Variants in MACROD2 observed in about 807,000 individuals in gnomAD.
MACROD2 encodes mono-ADP ribosylhydrolase 2.
MACROD2 carries 36 observed loss-of-function variants against 70.4 expected under a neutral mutation model. The ratio of observed to expected loss-of-function variants is 0.51; its 90% confidence interval spans 0.39 to 0.68. The LOEUF is 0.68. MACROD2 is among the 30% of genes least tolerant of loss of function. The probability of loss-of-function intolerance (pLI) is 0.00; values close to 1 mark genes in which losing one functional copy is unlikely to be tolerated. For synonymous variants in MACROD2, 172 were observed against 178.8 expected, an observed-to-expected ratio of 0.96 and a Z score of 0.30; for missense variants, 496 against 538.4, an observed-to-expected ratio of 0.92 and a Z score of 0.78.
intron 3 of MACROD2, among the ~76,000 whole-genome samples, chr20:14,339,221 A>G (rs1178963450): frequency 5.9e-5 from 9 of 152,124 alleles, no homozygotes; most frequent in African/African-American, 2.4e-5. Flanking sequence ...TATTGACCCT[A>G]TTGTTCTATG....
At chr20:14,868,807 C>T (rs1050479177) in intron 5 of MACROD2, among the ~76,000 whole-genome samples, 7 of 152,100 alleles carry the variant, frequency 4.6e-5, no homozygotes, top group Middle Eastern at 3.4e-3. Context: ...ATTGGTATGT[C>T]GAAAGTGGGT....
intron 2 of MACROD2, among the ~76,000 whole-genome samples, chr20:14,078,476 G>A (rs977200389): frequency 2.6e-5 from 4 of 151,726 alleles, no homozygotes; most frequent in Non-Finnish European, 4.4e-5. Flanking sequence ...GCGCGATCTC[G>A]GCTCACTGCA....
At chr20:15,825,120 A>G (rs1477881073) in intron 8 of MACROD2, among the ~76,000 whole-genome samples, 2 of 152,206 alleles carry the variant, frequency 1.3e-5, no homozygotes, top group Non-Finnish European at 2.9e-5. Flanking sequence ...AAACATAAGA[A>G]TAATGGTTTT....
intron 8 of MACROD2, among the ~76,000 whole-genome samples, chr20:15,585,237 G>A (rs34510048): frequency 0.23 from 33,598 of 147,780 alleles, 4,323 homozygotes; most frequent in Non-Finnish European, 0.29. Context: ...TCGCTCTGTC[G>A]CCCAGGCTGG....
intron 3 of MACROD2, among the ~76,000 whole-genome samples, chr20:14,147,826 T>C (rs2054961453): frequency 6.6e-6 from 1 of 152,166 alleles, no homozygotes. Flanking sequence ...GTATTTCTTT[T>C]TATTAAACCT....
chr20:14,799,280 T>G (rs1465411175), intron 5 of MACROD2, among the ~76,000 whole-genome samples: 1 of 152,096 alleles, frequency 6.6e-6, no homozygotes, highest in African/African-American at 2.4e-5. Context: ...CCCTTACTTA[T>G]TAACATTTTA....
chr20:15,302,539 A>C (rs2077657306), intron 6 of MACROD2, among the ~76,000 whole-genome samples: 2 of 152,094 alleles, frequency 1.3e-5, no homozygotes, highest in South Asian at 4.1e-4. Flanking sequence ...AATATTATGG[A>C]TGTATCACAA....
intron 15 of MACROD2, among the ~76,000 whole-genome samples, chr20:16,003,707 G>A (rs1434818586): frequency 6.6e-6 from 1 of 152,142 alleles, no homozygotes; most frequent in Admixed American, 6.5e-5. Flanking sequence ...GTCTCACTCT[G>A]TCGCCCAGGC....
At chr20:14,818,993 G>C (rs1280615064) in intron 5 of MACROD2, among the ~76,000 whole-genome samples, 1 of 151,736 alleles carries the variant, frequency 6.6e-6, no homozygotes, top group Non-Finnish European at 1.5e-5. Context: ...GGCTGGGCAT[G>C]GTGGCTCATG....
At chr20:14,522,217 A>G (rs1219784002) in intron 4 of MACROD2, among the ~76,000 whole-genome samples, 1 of 152,234 alleles carries the variant, frequency 6.6e-6, no homozygotes, top group East Asian at 1.9e-4. Flanking sequence ...TAAAATATCA[A>G]GATGGCCATA....
In MACROD2 at chr20:15,212,553, C is replaced by CGACA. The variant is rs562000598; in HGVS notation, c.419-17386_419-17383dup. The stretch of plus-strand genomic sequence containing the variant: ...AATGATAGCTTGTCATTAGTGTGTG[C>CGACA]GACAACAGGGCAAGGCAAGCCAGGA... On this transcript the variant is annotated intron_variant, in intron 5 of 17. Transcript: ENST00000684519. 4.8e-3 allele frequency among the ~76,000 whole-genome samples: 731 copies of CGACA among 152,198 alleles called. 25 individuals carry two copies. Among genetic ancestry groups the CGACA allele is most frequent in the East Asian group, 1.5e-3 (8 of 5,186 alleles).
At chr20:14,026,915 G>A (rs934145389) in intron 2 of MACROD2, among the ~76,000 whole-genome samples, 3 of 152,196 alleles carry the variant, frequency 2.0e-5, no homozygotes, top group Non-Finnish European at 2.9e-5. Context: ...TCTAAAGACA[G>A]CAGTGGATCT....
intron 5 of MACROD2, among the ~76,000 whole-genome samples, chr20:15,147,366 A>G (rs1401256776): frequency 6.6e-6 from 1 of 152,086 alleles, no homozygotes; most frequent in Middle Eastern, 3.2e-3. Context: ...ATTTTGAAAT[A>G]TGGGGAAACA....
At chr20:15,263,990 G>A (rs1298662874) in intron 6 of MACROD2, among the ~76,000 whole-genome samples, 1 of 151,958 alleles carries the variant, frequency 6.6e-6, no homozygotes, top group Non-Finnish European at 1.5e-5. Context: ...AGGATAATTT[G>A]ACTTCCTTTC....
intron 8 of MACROD2, among the ~76,000 whole-genome samples, chr20:15,560,791 A>AAAAAAAAAAAAAAAAT (rs2048233308): frequency 2.1e-5 from 3 of 144,760 alleles, no homozygotes; most frequent in South Asian, 2.2e-4. Context: ...AAAAAAAAAA[A>AAAAAAAAAAAAAAAAT]GACTGATCAT....
chr20:14,406,577 C>T (rs2083693568), intron 3 of MACROD2, among the ~76,000 whole-genome samples: 1 of 152,092 alleles, frequency 6.6e-6, no homozygotes, highest in Admixed American at 6.6e-5. Flanking sequence ...AACTTTTCCC[C>T]CTTAGCATTG....
chr20:14,897,995 T>C (rs2073850671), intron 5 of MACROD2, among the ~76,000 whole-genome samples: 2 of 152,232 alleles, frequency 1.3e-5, no homozygotes, highest in African/African-American at 2.4e-5. Context: ...TAGCATCATC[T>C]TGGGAGGTAG....
intron 8 of MACROD2, among the ~76,000 whole-genome samples, chr20:15,569,834 C>A (rs1465583791): frequency 6.6e-6 from 1 of 152,106 alleles, no homozygotes; most frequent in Non-Finnish European, 1.5e-5. Flanking sequence ...TCTTGTATGG[C>A]TGAATAGTAT....
At chr20:14,306,486 T>C (rs2082522147) in intron 3 of MACROD2, among the ~76,000 whole-genome samples, 1 of 152,142 alleles carries the variant, frequency 6.6e-6, no homozygotes, top group South Asian at 2.1e-4. Flanking sequence ...CATCTAGTCC[T>C]GGAGGATATA....
Sources: gnomAD v4.1 joint callset for allele counts (sites outside exome capture counted in the v4.1 genomes callset) on GRCh38, gnomAD v4.1.1 for gene constraint, MANE v1.5 for transcripts, NCBI Gene and HGNC (gene_info 2026-07-23, HGNC 2026-07-21) for gene names.